Variants in NPSR1 observed in about 807,000 individuals in gnomAD.
NPSR1 encodes neuropeptide S receptor 1.
In NPSR1, 48 loss-of-function variants were observed where a neutral mutation model predicts 46.9. The ratio of observed to expected loss-of-function variants is 1.02; its 90% CI spans 0.81 to 1.30. The LOEUF (loss-of-function observed/expected upper bound fraction) is 1.30. Ranked by LOEUF, NPSR1 falls within the 50% of genes most tolerant of loss-of-function variation. The pLI is 0.00. For missense variants in NPSR1, 450 were observed against 449.5 expected (o/e 1.00, Z -0.01); for synonymous variants, 176 against 168.1 (o/e 1.05, Z -0.36).
At chr7:34,773,970 T>C in intron 2 of NPSR1, among the ~76,000 whole-genome samples, 1 of 152,190 alleles carries the variant, frequency 6.6e-6, no homozygotes, top group East Asian at 1.9e-4. Context: ...CAGACTCTTG[T>C]TTCCAATCTC....
At chr7:34,848,360 C>G in intron 7 of NPSR1, 123 bp from the exon 8 acceptor site, 1 of 777,140 alleles carries the variant, frequency 1.3e-6, no homozygotes, top group Non-Finnish European at 2.2e-6. Flanking sequence ...ACATCAAACT[C>G]CAATATTTCT....
intron 2 of NPSR1, chr7:34,751,066 C>T: frequency 3.8e-6 from 3 of 784,930 alleles, no homozygotes; most frequent in Non-Finnish European, 7.0e-6. Context: ...ATCTCACTCA[C>T]CTGCCCCTTT....
chr7:34,744,200 G>C (rs1785093296), intron 2 of NPSR1, among the ~76,000 whole-genome samples: 1 of 151,972 alleles, frequency 6.6e-6, no homozygotes, highest in Admixed American at 6.5e-5. Flanking sequence ...AATTTAACTA[G>C]TATTCAATAT....
chr7:34,734,336 C>G (rs546437029), intron 2 of NPSR1, among the ~76,000 whole-genome samples: 6 of 152,060 alleles, frequency 3.9e-5, no homozygotes, highest in Non-Finnish European at 8.8e-5. Context: ...TACTCTAAAC[C>G]AAACAAGGCA....
intron 1 of NPSR1, among the ~76,000 whole-genome samples, chr7:34,663,033 T>C (rs1012943373): frequency 3.2e-5 from 3 of 94,616 alleles, no homozygotes; most frequent in Non-Finnish European, 6.3e-5. Context: ...AGTGCTTCTG[T>C]AGTGCATTTC....
intron 6 of NPSR1, among the ~76,000 whole-genome samples, chr7:34,841,030 T>C (rs2057082378): frequency 6.6e-6 from 1 of 152,176 alleles, no homozygotes; most frequent in African/African-American, 2.4e-5. Flanking sequence ...CAAAATGAAT[T>C]TCAAGTTTCA....
intron 2 of NPSR1, among the ~76,000 whole-genome samples, chr7:34,719,980 A>G (rs1422476427): frequency 6.9e-6 from 1 of 145,460 alleles, no homozygotes; most frequent in Non-Finnish European, 1.5e-5. Flanking sequence ...TTTCAAAAAG[A>G]AAAAAAAAAA....
At chr7:34,824,359 G>A (rs1199525030) in intron 4 of NPSR1, among the ~76,000 whole-genome samples, 1 of 152,174 alleles carries the variant, frequency 6.6e-6, no homozygotes, top group African/African-American at 2.4e-5. Flanking sequence ...CTGACTTTCC[G>A]GGGGTGAGAA....
intron 5 of NPSR1, among the ~76,000 whole-genome samples, chr7:34,832,495 G>C (rs1790165327): frequency 6.6e-6 from 1 of 152,114 alleles, no homozygotes; most frequent in African/African-American, 2.4e-5. Flanking sequence ...GCCTGGGTGA[G>C]AGAGCAAAAC....
chr7:34,730,376 G>T (rs1784367679), intron 2 of NPSR1, among the ~76,000 whole-genome samples: 1 of 152,144 alleles, frequency 6.6e-6, no homozygotes, highest in Admixed American at 6.5e-5. Flanking sequence ...GGCCTGAACA[G>T]TCTTCCCTCA....
At chr7:34,852,643 T>C (rs565310072), downstream of NPSR1, among the ~76,000 whole-genome samples, 1 of 152,284 alleles carries the variant, frequency 6.6e-6, no homozygotes, top group East Asian at 1.9e-4. Flanking sequence ...CAGAGAAATA[T>C]CATTTCCCAA....
At chr7:34,805,676 A>G (rs1386817231) in intron 3 of NPSR1, among the ~76,000 whole-genome samples, 1 of 151,926 alleles carries the variant, frequency 6.6e-6, no homozygotes, top group Non-Finnish European at 1.5e-5. Context: ...AATCCATGAA[A>G]AATGATTGAA....
At chr7:34,702,147 G>A (rs753675354) in intron 2 of NPSR1, among the ~76,000 whole-genome samples, 9 of 152,114 alleles carry the variant, frequency 5.9e-5, no homozygotes, top group Non-Finnish European at 1.2e-4. Flanking sequence ...TACAGATGGC[G>A]GTTGGTTCAA....
At chr7:34,824,770 A>T (rs1424083895) in intron 4 of NPSR1, among the ~76,000 whole-genome samples, 1 of 152,178 alleles carries the variant, frequency 6.6e-6, no homozygotes, top group Non-Finnish European at 1.5e-5. Context: ...CCTATAGAAG[A>T]AGATGACATT....
At chr7:34,830,580 CTT>C (rs1233905178) in intron 5 of NPSR1, among the ~76,000 whole-genome samples, 1 of 152,014 alleles carries the variant, frequency 6.6e-6, no homozygotes, top group African/African-American at 2.4e-5. Context: ...ATACAATAAC[CTT>C]TTTCTTTTTG....
intron 3 of NPSR1, among the ~76,000 whole-genome samples, chr7:34,792,734 T>TATTTATATA (rs58315247): frequency 4.1e-5 from 5 of 123,282 alleles, no homozygotes; most frequent in Non-Finnish European, 8.4e-5. Context: ...TATATATATA[T>TATTTATATA]TAGCCAGGCA....
downstream of NPSR1, chr7:34,850,042 A>C (rs935257465): frequency 8.4e-6 from 8 of 957,160 alleles, no homozygotes; most frequent in Admixed American, 1.2e-4. Flanking sequence ...AATAGAAGAA[A>C]ATAAAAGACT....
intron 1 of NPSR1, among the ~76,000 whole-genome samples, chr7:34,663,067 C>CTCTCTCTCTCTGTGTGTGTGTGTGTG (rs35826710): frequency 3.0e-5 from 3 of 99,386 alleles, no homozygotes; most frequent in Admixed American, 9.2e-5. Flanking sequence ...CTCTCTCTCT[C>CTCTCTCTCTCTGTGTGTGTGTGTGTG]TGTGTGTGTG....
chr7:34,763,516 C>CAA (rs138890615), intron 2 of NPSR1, among the ~76,000 whole-genome samples: 1 of 149,740 alleles, frequency 6.7e-6, no homozygotes, highest in African/African-American at 2.5e-5. Flanking sequence ...GAAAGAAATA[C>CAA]AAAAAAAAAT....
Sources: gnomAD v4.1 joint callset for allele counts (sites outside exome capture counted in the v4.1 genomes callset) on GRCh38, gnomAD v4.1.1 for gene constraint, MANE v1.5 for transcripts, NCBI Gene and HGNC (gene_info 2026-07-23, HGNC 2026-07-21) for gene names.